PELI1: variants seen among roughly 807,000 people sequenced by gnomAD.
PELI1 encodes E3 ubiquitin-protein ligase pellino homolog 1.
Under a neutral mutation model 41.3 loss-of-function variants are expected in PELI1, and 15 were observed. That is an observed-to-expected ratio of 0.36 (90% CI 0.24 to 0.56). The LOEUF is 0.56. Among genes scored for constraint, PELI1 ranks in the 20% least tolerant of loss-of-function variants. The pLI, the probability that PELI1 is intolerant of heterozygous loss-of-function variation, is 0.82. For missense variants in PELI1, 403 were observed against 525.5 expected, an observed-to-expected ratio of 0.77 and a Z score of 2.28; for synonymous variants, 178 against 180.1, an observed-to-expected ratio of 0.99 and a Z score of 0.09.
intron 1 of PELI1, among the ~76,000 whole-genome samples, chr2:64,131,359 G>T (rs1681549552): frequency 1.3e-5 from 2 of 151,970 alleles, no homozygotes; most frequent in Non-Finnish European, 2.9e-5. Flanking sequence ...TCAATGCCCT[G>T]GGGGTAGGGA....
chr2:64,104,680 G>GAT, intron 3 of PELI1, 21 bp downstream of exon 3: 1 of 1,387,854 alleles, frequency 7.2e-7, no homozygotes, highest in Non-Finnish European at 9.8e-7. Context: ...AATTTATGTA[G>GAT]CTTTTTTTTT....
intron 1 of PELI1, among the ~76,000 whole-genome samples, chr2:64,111,745 A>G (rs1043645673): frequency 1.4e-4 from 21 of 152,202 alleles, no homozygotes; most frequent in African/African-American, 4.3e-4. Flanking sequence ...TTGGTTCCAT[A>G]TAATAAGATC....
intron 1 of PELI1, among the ~76,000 whole-genome samples, chr2:64,133,405 C>T (rs1219747093): frequency 6.6e-6 from 1 of 151,976 alleles, no homozygotes. Context: ...CTGGAAGAGA[C>T]CCAATATAGC....
chr2:64,104,313 T>G (rs1409132062), intron 3 of PELI1, among the ~76,000 whole-genome samples: 1 of 130,318 alleles, frequency 7.7e-6, no homozygotes, highest in Admixed American at 7.3e-5. Flanking sequence ...TGAATACACA[T>G]ATTATACATC....
intron 1 of PELI1, among the ~76,000 whole-genome samples, chr2:64,125,978 T>C (rs1199818980): frequency 6.6e-6 from 1 of 152,260 alleles, no homozygotes; most frequent in Non-Finnish European, 1.5e-5. Flanking sequence ...AGATATCTCA[T>C]AATATATATG....
intron 1 of PELI1, among the ~76,000 whole-genome samples, chr2:64,128,509 C>A (rs1343525170): frequency 2.0e-5 from 3 of 151,988 alleles, no homozygotes; most frequent in Non-Finnish European, 4.4e-5. Context: ...TCCTCACATC[C>A]CACCCCCAAA....
chr2:64,099,128 A>G (rs1201804329), intron 4 of PELI1, among the ~76,000 whole-genome samples: 1 of 151,950 alleles, frequency 6.6e-6, no homozygotes, highest in African/African-American at 2.4e-5. Flanking sequence ...TACTTTCTGA[A>G]GCTAAAATTC....
chr2:64,137,036 GA>G (rs1164397356), intron 1 of PELI1, among the ~76,000 whole-genome samples: 2 of 152,166 alleles, frequency 1.3e-5, no homozygotes, highest in Non-Finnish European at 2.9e-5. Context: ...TCTCAGGTTG[GA>G]AAAACTGTAC....
Position 64,125,875 on chromosome 2 carries a change from C to T in PELI1, c.-69-17496G>A, listed in dbSNP as rs530368480. On this transcript the variant is annotated intron_variant, in intron 1 of 6. Transcript: ENST00000358912. The stretch of plus-strand genomic sequence containing the variant: ...AGTACTTAACACAAACTTTCATGCA[C>T]AAAATTAATAAAAATATTGTATAAA... Among the ~76,000 whole-genome samples the T allele has an allele frequency of 6.6e-5, 10 of 152,254 alleles. No homozygotes were observed. In the South Asian group the frequency reaches 1.2e-3, roughly 19 times the overall value.
At chr2:64,135,826 C>T (rs1247509655) in intron 1 of PELI1, among the ~76,000 whole-genome samples, 1 of 152,180 alleles carries the variant, frequency 6.6e-6, no homozygotes, top group Admixed American at 6.5e-5. Context: ...TGCACTTTTG[C>T]AAAGCAATAA....
intron 1 of PELI1, among the ~76,000 whole-genome samples, chr2:64,137,077 T>C (rs1401156000): frequency 6.6e-6 from 1 of 152,212 alleles, no homozygotes; most frequent in Non-Finnish European, 1.5e-5. Flanking sequence ...ATAGTAATTG[T>C]TCAAAATTAG....
At position 64,131,382 on chromosome 2, in the gene PELI1, A is replaced by G. The variant is rs1681551043; in HGVS notation, c.-70+12699T>C. On this transcript the variant is annotated intron_variant, in intron 1 of 6. Coordinates refer to ENST00000358912, the MANE Select transcript of PELI1 (RefSeq NM_020651.4). ...CTGGGGGTAGGGACCTCTGACTTAT[A>G]ATACCTAATAAAATGTAAGTGCTAT... Among the ~76,000 whole-genome samples the G allele has an allele frequency of 2.0e-5, 3 of 152,092 alleles. No individual in the cohort carries two copies. In the South Asian group the frequency reaches 6.2e-4, roughly 31 times the overall value.
In PELI1 at chr2:64,096,788, G is replaced by A. The variant is rs187772819; in HGVS notation, c.304-178C>T. Among the ~76,000 whole-genome samples, 22 of 152,282 alleles carry A rather than the reference G, an allele frequency of 1.4e-4. No individual in the cohort carries two copies. In the East Asian group the frequency reaches 3.5e-3, roughly 24 times the overall value. The stretch of plus-strand genomic sequence containing the variant: ...AAAACTAATCAGTCAGACTGTCTCT[G>A]ATGAAGTAATCACTTAGAGCATGGA... On this transcript the variant is annotated intron_variant, in intron 4 of 6. Transcript: ENST00000358912.
intron 2 of PELI1, among the ~76,000 whole-genome samples, chr2:64,106,872 T>G (rs1477179740): frequency 6.6e-6 from 1 of 152,222 alleles, no homozygotes; most frequent in African/African-American, 2.4e-5. Context: ...TATCTAGAGT[T>G]GCTTTTTAGG....
chr2:64,116,266 TTTA>T (rs1024200923), intron 1 of PELI1, among the ~76,000 whole-genome samples: 2 of 152,122 alleles, frequency 1.3e-5, no homozygotes, highest in African/African-American at 4.8e-5. Context: ...CCCAAACAGT[TTTA>T]TTGTCTGTGC....
At chr2:64,140,808 C>CAAAAAAAAAAAAAAAAAAAAAAAAA in intron 1 of PELI1, among the ~76,000 whole-genome samples, 1 of 110,696 alleles carries the variant, frequency 9.0e-6, no homozygotes, top group Non-Finnish European at 1.7e-5. Flanking sequence ...AACAAACAAA[C>CAAAAAAAAAAAAAAAAAAAAAAAAA]AAAAAAAAAC....
At chr2:64,120,918 A>G (rs1459742333) in intron 1 of PELI1, among the ~76,000 whole-genome samples, 2 of 152,220 alleles carry the variant, frequency 1.3e-5, no homozygotes, top group African/African-American at 4.8e-5. Context: ...CATCACTATA[A>G]TAGTACCTAG....
chr2:64,097,708 C>A (rs1413716627), intron 4 of PELI1, among the ~76,000 whole-genome samples: 1 of 152,148 alleles, frequency 6.6e-6, no homozygotes, highest in African/African-American at 2.4e-5. Flanking sequence ...AAAATACTGA[C>A]CCTCTACAAA....
At chr2:64,127,110 A>G (rs1428448527) in intron 1 of PELI1, among the ~76,000 whole-genome samples, 1 of 152,238 alleles carries the variant, frequency 6.6e-6, no homozygotes, top group Non-Finnish European at 1.5e-5. Context: ...AAGACCAAAG[A>G]AAAGATTCCC....
Sources: allele counts gnomAD v4.1 joint callset (sites outside exome capture counted in the v4.1 genomes callset), GRCh38; gene constraint gnomAD v4.1.1; transcripts MANE v1.5; gene names NCBI Gene and HGNC (gene_info 2026-07-23, HGNC 2026-07-21).